Variants in PLCE1 observed in about 807,000 individuals in gnomAD.
PLCE1 encodes phospholipase C epsilon 1, also known as 1-phosphatidylinositol 4,5-bisphosphate phosphodiesterase epsilon-1.
Under a neutral mutation model 242.8 loss-of-function variants are expected in PLCE1, and 119 were observed. That is an observed-to-expected ratio of 0.49 (90% CI 0.42 to 0.57). The LOEUF is 0.57. PLCE1 is among the 20% of genes least tolerant of loss of function. PLCE1 has a pLI of 0.00. For missense variants in PLCE1, 2,441 were observed against 2,788.8 expected, an observed-to-expected ratio of 0.88 and a Z score of 2.81; for synonymous variants, 945 against 1,017.4, an observed-to-expected ratio of 0.93 and a Z score of 1.35.
intron 1 of PLCE1, among the ~76,000 whole-genome samples, chr10:93,995,628 T>C (rs1302953407): frequency 6.6e-6 from 1 of 152,250 alleles, no homozygotes; most frequent in African/African-American, 2.4e-5. Context: ...GAGAAGGAGA[T>C]AATATAATTG....
chr10:94,040,056 C>G (rs2061735934), intron 2 of PLCE1, among the ~76,000 whole-genome samples: 1 of 152,134 alleles, frequency 6.6e-6, no homozygotes, highest in African/African-American at 2.4e-5. Flanking sequence ...AAACATGTCC[C>G]TTGGACATTC....
chr10:94,050,993 G>A (rs2043748754), intron 2 of PLCE1, among the ~76,000 whole-genome samples: 1 of 152,060 alleles, frequency 6.6e-6, no homozygotes, highest in Admixed American at 6.6e-5. Flanking sequence ...TTTATGGGAT[G>A]GGATACTTGT....
intron 2 of PLCE1, chr10:94,089,271 G>A (rs774534887): frequency 9.3e-6 from 15 of 1,613,842 alleles, no homozygotes; most frequent in African/African-American, 4.0e-5. Flanking sequence ...GGCTTTGCAC[G>A]CTCTCAGCTG....
chr10:94,325,992 T>C (rs1200406801), intron 32 of PLCE1, among the ~76,000 whole-genome samples: 1 of 152,190 alleles, frequency 6.6e-6, no homozygotes, highest in Non-Finnish European at 1.5e-5. Context: ...GACTGCTTGA[T>C]AGTCACACAA....
intron 11 of PLCE1, among the ~76,000 whole-genome samples, chr10:94,258,254 C>T (rs1350828163): frequency 1.3e-5 from 2 of 152,122 alleles, no homozygotes; most frequent in East Asian, 1.9e-4. Context: ...CATGAGCCAC[C>T]GCACCCAGCC....
intron 27 of PLCE1, among the ~76,000 whole-genome samples, chr10:94,313,036 G>A (rs572548453): frequency 6.6e-6 from 1 of 152,276 alleles, no homozygotes; most frequent in East Asian, 1.9e-4. Flanking sequence ...AAGAGACACT[G>A]TAATTTAAAA....
intron 4 of PLCE1, among the ~76,000 whole-genome samples, chr10:94,191,141 A>T (rs1053071671): frequency 3.9e-5 from 6 of 152,236 alleles, no homozygotes; most frequent in African/African-American, 1.4e-4. Flanking sequence ...GATGATTATC[A>T]TATTACCCTG....
intron 2 of PLCE1, among the ~76,000 whole-genome samples, chr10:94,074,176 A>G (rs1380330873): frequency 2.7e-5 from 4 of 150,490 alleles, no homozygotes; most frequent in Non-Finnish European, 5.9e-5. Flanking sequence ...AATGTATCAT[A>G]CCAAGCAGTT....
At chr10:94,249,821 A>G (rs941632554) in intron 8 of PLCE1, among the ~76,000 whole-genome samples, 4 of 152,256 alleles carry the variant, frequency 2.6e-5, no homozygotes, top group Middle Eastern at 3.4e-3. Context: ...GACAGAACTG[A>G]TGGCCCATAA....
At chr10:94,085,952 A>T (rs901122482) in intron 2 of PLCE1, among the ~76,000 whole-genome samples, 3 of 152,194 alleles carry the variant, frequency 2.0e-5, no homozygotes, top group African/African-American at 7.2e-5. Flanking sequence ...CAAATAATCG[A>T]GAATTTGCAT....
chr10:94,251,229 G>T (rs1001364263), intron 8 of PLCE1, among the ~76,000 whole-genome samples: 6 of 152,146 alleles, frequency 3.9e-5, no homozygotes, highest in African/African-American at 1.4e-4. Context: ...TCACCCAAAG[G>T]TTTCTTTGTC....
chr10:94,122,649 C>A (rs2046331560), intron 2 of PLCE1, among the ~76,000 whole-genome samples: 1 of 152,036 alleles, frequency 6.6e-6, no homozygotes, highest in Non-Finnish European at 1.5e-5. Context: ...CTAGACTGTG[C>A]CCTCAGTAGC....
At chr10:94,203,778 A>G (rs1402659881) in intron 4 of PLCE1, among the ~76,000 whole-genome samples, 2 of 152,230 alleles carry the variant, frequency 1.3e-5, no homozygotes, top group Admixed American at 1.3e-4. Context: ...AACAGGCCAC[A>G]GACCTGGCTT....
At chr10:94,294,908 AC>A (rs1243229835) in intron 23 of PLCE1, among the ~76,000 whole-genome samples, 1 of 144,446 alleles carries the variant, frequency 6.9e-6, no homozygotes, top group Non-Finnish European at 1.5e-5. Flanking sequence ...TCATGATAGA[AC>A]TTTTTTTTTT....
intron 22 of PLCE1, among the ~76,000 whole-genome samples, chr10:94,288,266 C>G (rs1589482121): frequency 6.6e-6 from 1 of 152,184 alleles, no homozygotes. Context: ...GTCCATTACG[C>G]TGCTCTGTAT....
At chr10:94,144,132 A>G (rs2047048142) in intron 3 of PLCE1, among the ~76,000 whole-genome samples, 1 of 152,238 alleles carries the variant, frequency 6.6e-6, no homozygotes, top group Non-Finnish European at 1.5e-5. Flanking sequence ...AGGCTGATAC[A>G]CTACCAAGTC....
intron 20 of PLCE1, chr10:94,280,255 G>A: frequency 5.7e-6 from 2 of 353,170 alleles, no homozygotes; most frequent in South Asian, 5.0e-5. Flanking sequence ...CTGAGGTTGC[G>A]TCCTTTCTCC....
chr10:94,179,519 T>TA (rs1564761736), intron 4 of PLCE1, among the ~76,000 whole-genome samples: 1 of 25,232 alleles, frequency 4.0e-5, no homozygotes, highest in African/African-American at 1.1e-4. Flanking sequence ...TTAGTTTTTT[T>TA]TTTTTTTTTT....
chr10:94,108,420 C>T (rs1277290280), intron 2 of PLCE1: 1 of 152,232 alleles, frequency 6.6e-6, no homozygotes, highest in Non-Finnish European at 1.5e-5. Flanking sequence ...TGGTTGAAGT[C>T]TCTGCTTACT....
Sources: allele counts gnomAD v4.1 joint callset (sites outside exome capture counted in the v4.1 genomes callset), GRCh38; gene constraint gnomAD v4.1.1; transcripts MANE v1.5; gene names NCBI Gene and HGNC (gene_info 2026-07-23, HGNC 2026-07-21).